ARB2A: variants seen among roughly 807,000 people sequenced by gnomAD.
ARB2A encodes the protein cotranscriptional regulator ARB2A.
At chr5:93,715,560 T>C in the ARB2A span, among the ~76,000 whole-genome samples, 1 of 152,124 alleles carries the variant, frequency 6.6e-6, no homozygotes, top group African/African-American at 2.4e-5. Context: ...GGGCTCTGTG[T>C]AATCAAATTA....
the ARB2A span, among the ~76,000 whole-genome samples, chr5:93,783,434 C>A: frequency 6.6e-6 from 1 of 151,996 alleles, no homozygotes; most frequent in Admixed American, 6.6e-5. Flanking sequence ...AATTATATAG[C>A]CTAATTTTTC....
the ARB2A span, among the ~76,000 whole-genome samples, chr5:93,912,017 TAA>T: frequency 6.6e-6 from 1 of 151,780 alleles, no homozygotes; most frequent in African/African-American, 2.4e-5. Flanking sequence ...TACTCAATAA[TAA>T]AGTCGAAATG....
chr5:93,684,653 GTT>G, the ARB2A span, among the ~76,000 whole-genome samples: 2 of 152,150 alleles, frequency 1.3e-5, no homozygotes, highest in East Asian at 3.9e-4. Flanking sequence ...GTGTGATTGA[GTT>G]TTATTTATTT....
chr5:93,879,610 A>C, the ARB2A span, among the ~76,000 whole-genome samples: 40 of 151,992 alleles, frequency 2.6e-4, no homozygotes, highest in Admixed American at 2.6e-3. Flanking sequence ...AAAATAGATG[A>C]GAGGAAAAAC....
At chr5:93,996,636 T>C in the ARB2A span, among the ~76,000 whole-genome samples, 1 of 152,124 alleles carries the variant, frequency 6.6e-6, no homozygotes, top group Non-Finnish European at 1.5e-5. Flanking sequence ...TGTTACATAC[T>C]ACCTTAAGTC....
At chr5:93,894,924 ACCTATCTG>A in the ARB2A span, among the ~76,000 whole-genome samples, 1 of 152,182 alleles carries the variant, frequency 6.6e-6, no homozygotes, top group Non-Finnish European at 1.5e-5. Flanking sequence ...GAACGGTGCC[ACCTATCTG>A]CAGATTAGCA....
chr5:93,992,810 A>G, the ARB2A span, among the ~76,000 whole-genome samples: 2 of 152,114 alleles, frequency 1.3e-5, no homozygotes, highest in Non-Finnish European at 2.9e-5. Flanking sequence ...AAGAATGGTA[A>G]TTCTAAAATT....
chr5:94,046,506 C>A, the ARB2A span, among the ~76,000 whole-genome samples: 1 of 152,122 alleles, frequency 6.6e-6, no homozygotes, highest in Admixed American at 6.6e-5. Context: ...GGAAAGCATG[C>A]CCACTTGGCC....
the ARB2A span, among the ~76,000 whole-genome samples, chr5:94,090,908 C>T: frequency 6.6e-6 from 1 of 152,028 alleles, no homozygotes; most frequent in Non-Finnish European, 1.5e-5. Flanking sequence ...AGTAATTTTC[C>T]AATTCAGCAA....
chr5:94,028,566 C>T, the ARB2A span, among the ~76,000 whole-genome samples: 1 of 152,206 alleles, frequency 6.6e-6, no homozygotes, highest in Admixed American at 6.5e-5. Context: ...ACTATCCTCA[C>T]TCACATACAA....
the ARB2A span, among the ~76,000 whole-genome samples, chr5:94,032,173 A>G: frequency 6.6e-6 from 1 of 152,148 alleles, no homozygotes; most frequent in Non-Finnish European, 1.5e-5. Context: ...GACCATCAAC[A>G]TGTAACTCTG....
the ARB2A span, among the ~76,000 whole-genome samples, chr5:93,709,679 GAAAAT>G: frequency 1.2e-5 from 1 of 84,320 alleles, no homozygotes; most frequent in Non-Finnish European, 2.7e-5. Context: ...TAAATAAAAA[GAAAAT>G]AAATTGCAGA....
At chr5:94,063,056 G>A in the ARB2A span, among the ~76,000 whole-genome samples, 1 of 152,170 alleles carries the variant, frequency 6.6e-6, no homozygotes, top group Non-Finnish European at 1.5e-5. Context: ...CTAGCATAGG[G>A]CGGTGGTGCA....
the ARB2A span, among the ~76,000 whole-genome samples, chr5:94,076,499 T>C: frequency 1.3e-5 from 2 of 152,184 alleles, no homozygotes; most frequent in African/African-American, 2.4e-5. Flanking sequence ...ACTGCCCTCC[T>C]ATGGCTTACT....
the ARB2A span, chr5:93,743,148 G>C: frequency 6.6e-6 from 1 of 152,198 alleles, no homozygotes; most frequent in Non-Finnish European, 1.5e-5. Context: ...TACAGGTTGG[G>C]TTGCAGATAT....
the ARB2A span, among the ~76,000 whole-genome samples, chr5:93,622,888 T>C: frequency 6.6e-6 from 1 of 152,186 alleles, no homozygotes; most frequent in African/African-American, 2.4e-5. Context: ...CATCAATAGG[T>C]GTTATAATAC....
the ARB2A span, chr5:94,074,649 TC>T: frequency 9.3e-6 from 15 of 1,610,638 alleles, no homozygotes; most frequent in African/African-American, 2.0e-4. Context: ...TATGTACCTT[TC>T]AGTGCGGTAG....
the ARB2A span, among the ~76,000 whole-genome samples, chr5:93,687,389 T>G: frequency 6.6e-6 from 1 of 152,178 alleles, no homozygotes; most frequent in Non-Finnish European, 1.5e-5. Flanking sequence ...TGAAATTTAT[T>G]TTACAGAAAC....
chr5:94,093,570 C>T, the ARB2A span, among the ~76,000 whole-genome samples: 6 of 152,168 alleles, frequency 3.9e-5, no homozygotes, highest in Non-Finnish European at 8.8e-5. Flanking sequence ...TACAGTTACA[C>T]TGTAGGTTAT....
Sources: allele counts gnomAD v4.1 joint callset (sites outside exome capture counted in the v4.1 genomes callset), GRCh38; gene constraint gnomAD v4.1.1; transcripts MANE v1.5; gene names NCBI Gene and HGNC (gene_info 2026-07-23, HGNC 2026-07-21).